The following DNMBP variants were observed in gnomAD, a reference collection of about 807,000 sequenced individuals.
DNMBP encodes dynamin-binding protein.
Under a neutral mutation model 150.0 loss-of-function variants are expected in DNMBP, and 87 were observed. The ratio of observed to expected loss-of-function variants is 0.58; its 90% CI spans 0.49 to 0.69. DNMBP has a LOEUF of 0.69. Among genes scored for constraint, DNMBP ranks in the 30% least tolerant of loss-of-function variants. The pLI is 0.00. For synonymous variants in DNMBP, 711 were observed against 750.4 expected, an observed-to-expected ratio of 0.95 and a Z score of 0.86; for missense variants, 1,774 against 1,949.0, an observed-to-expected ratio of 0.91 and a Z score of 1.69.
At chr10:99,899,762 C>T (rs11190310) in intron 7 of DNMBP, 157 bp downstream of exon 7, 46,043 of 874,284 alleles carry the variant, frequency 0.053, 2,162 homozygotes, top group African/African-American at 0.21. Context: ...AACTTATTCA[C>T]ATGGACAAAA....
chr10:99,906,664 G>A (rs2133241675), intron 6 of DNMBP, among the ~76,000 whole-genome samples: 1 of 152,246 alleles, frequency 6.6e-6, no homozygotes, highest in East Asian at 1.9e-4. Context: ...CCCAGGGAGA[G>A]GCTCACGTGG....
intron 6 of DNMBP, among the ~76,000 whole-genome samples, chr10:99,903,813 A>G (rs1216934684): frequency 1.3e-5 from 2 of 152,166 alleles, no homozygotes; most frequent in East Asian, 1.9e-4. Context: ...TCACTGTTCT[A>G]TATCAATTAC....
chr10:99,985,307 A>C (rs1461839381), intron 1 of DNMBP, among the ~76,000 whole-genome samples: 2 of 152,312 alleles, frequency 1.3e-5, no homozygotes, highest in Non-Finnish European at 1.5e-5. Context: ...CCTTTTATAG[A>C]AACTACAGCC....
At chr10:99,937,050 G>A (rs369380262) in intron 4 of DNMBP, among the ~76,000 whole-genome samples, 11 of 152,048 alleles carry the variant, frequency 7.2e-5, no homozygotes, top group Non-Finnish European at 7.4e-5. Flanking sequence ...ACAGGTGCCC[G>A]CCACCACGCC....
At chr10:99,935,544 G>C (rs943495424) in intron 4 of DNMBP, among the ~76,000 whole-genome samples, 2 of 152,050 alleles carry the variant, frequency 1.3e-5, no homozygotes, top group Non-Finnish European at 2.9e-5. Context: ...TAGCCACCTT[G>C]CCTGAGTAGA....
At chr10:99,925,389 CA>C (rs2040067798) in intron 4 of DNMBP, among the ~76,000 whole-genome samples, 1 of 152,072 alleles carries the variant, frequency 6.6e-6, no homozygotes, top group African/African-American at 2.4e-5. Context: ...GTTTTTCAAA[CA>C]TTTTTTACTG....
At chr10:99,970,971 C>CAAAAAAAAA (rs532226561) in intron 2 of DNMBP, among the ~76,000 whole-genome samples, 936 of 33,194 alleles carry the variant, frequency 0.028, 164 homozygotes, top group Non-Finnish European at 0.04. Context: ...GACTCCGTCT[C>CAAAAAAAAA]AAAAAAAAAA....
At position 99,880,823 on chromosome 10, in the gene DNMBP, C is replaced by A. The variant is rs541713611; in HGVS notation, c.3998-462G>T. ...CCGAGTTAAGAACCAGCCTCGGCAG[C>A]GCACGGGAGCTCACGCCTGTAATCC... is the stretch of plus-strand genomic sequence containing the variant. On this transcript the variant is annotated intron_variant, in intron 15 of 16. Coordinates refer to ENST00000324109, the MANE Select transcript of DNMBP (RefSeq NM_015221.4). Among the ~76,000 whole-genome samples the A allele has an allele frequency of 4.6e-5, 7 of 152,330 alleles. No homozygotes were observed. The East Asian group carries it at 1.4e-3, about 29-fold the overall frequency.
At chr10:99,941,869 C>T (rs1181460322) in intron 4 of DNMBP, among the ~76,000 whole-genome samples, 1 of 152,216 alleles carries the variant, frequency 6.6e-6, no homozygotes, top group African/African-American at 2.4e-5. Flanking sequence ...CCTACTGCTG[C>T]CATCCTGGTC....
At chr10:99,946,079 C>T (rs992110105) in intron 4 of DNMBP, among the ~76,000 whole-genome samples, 1 of 152,182 alleles carries the variant, frequency 6.6e-6, no homozygotes, top group African/African-American at 2.4e-5. Flanking sequence ...GCCTCAGTCT[C>T]CCAAGTAGCT....
chr10:99,877,205 G>A lies in DNMBP; in HGVS notation c.4680C>T (p.Asn1560=), dbSNP rs146248860. The part of the protein sequence containing the change: ...GNTEWWLAEV[N]GKKGYVPSNY... ...TGGAGGGAACGTAGCCCTTCTTCCC[G>A]TTAACCTCAGCTAACCACCACTCTG... Residue 1560 remains asparagine (N), a synonymous_variant, in exon 17 of 17, where the codon AAC becomes AAT. Transcript: ENST00000324109. 14 of 1,613,860 alleles carry A rather than the reference G, an allele frequency of 8.7e-6. No individual in the cohort carries two copies. The African/African-American group carries it at 1.1e-4, about 12-fold the overall frequency.
intron 1 of DNMBP, among the ~76,000 whole-genome samples, chr10:100,000,879 A>AAAC (rs2041001470): frequency 7.3e-6 from 1 of 137,064 alleles, no homozygotes; most frequent in Non-Finnish European, 1.6e-5. Flanking sequence ...AAAAAAAAAA[A>AAAC]AAAAAAAACC....
At chr10:99,997,890 T>G (rs2040965349) in intron 1 of DNMBP, among the ~76,000 whole-genome samples, 1 of 122,110 alleles carries the variant, frequency 8.2e-6, no homozygotes, top group South Asian at 2.7e-4. Flanking sequence ...ATCACGCCAC[T>G]GCACTCTAGC....
chr10:99,892,160 A>C lies in DNMBP; in HGVS notation c.3156+2786T>G, dbSNP rs373499691. Among the ~76,000 whole-genome samples, 2 of 85,670 alleles carry C rather than the reference A, an allele frequency of 2.3e-5. 1 individual carries two copies. Among genetic ancestry groups the C allele is most frequent in the African/African-American group, 1.3e-4 (2 of 14,820 alleles). The allele number at this position is 85,670 out of a possible 152,430, so 56.2% of individuals were successfully genotyped here. On this transcript the variant is annotated intron_variant, in intron 11 of 16. Transcript: ENST00000324109. ...CTCTGCCCGGCCAGCCGCCCCGTCC[A>C]GGAGGGAGGTGGGGGGGTCAGCCCC...
At chr10:99,916,766 C>T (rs1034321378) in intron 4 of DNMBP, among the ~76,000 whole-genome samples, 6 of 151,894 alleles carry the variant, frequency 4.0e-5, no homozygotes, top group African/African-American at 1.5e-4. Context: ...GACAAGGGCA[C>T]AAATATGTTC....
intron 4 of DNMBP, among the ~76,000 whole-genome samples, chr10:99,950,763 G>A (rs1159499985): frequency 6.6e-6 from 1 of 152,200 alleles, no homozygotes; most frequent in African/African-American, 2.4e-5. Flanking sequence ...AGGTGACTTG[G>A]GTGCTGTTAA....
At chr10:99,944,514 G>A (rs1248386410) in intron 4 of DNMBP, among the ~76,000 whole-genome samples, 1 of 152,196 alleles carries the variant, frequency 6.6e-6, no homozygotes, top group Admixed American at 6.5e-5. Flanking sequence ...AAGGTAGTGT[G>A]CTTGAGATCT....
intron 11 of DNMBP, among the ~76,000 whole-genome samples, chr10:99,892,858 C>T (rs1283151145): frequency 1.3e-5 from 2 of 152,160 alleles, no homozygotes; most frequent in African/African-American, 4.8e-5. Context: ...CCATAAAATG[C>T]AAGTTTAAAC....
chr10:100,001,228 C>A (rs2041007352), intron 1 of DNMBP, among the ~76,000 whole-genome samples: 1 of 63,706 alleles, frequency 1.6e-5, no homozygotes, highest in Non-Finnish European at 2.7e-5. Context: ...AAGACTCCGT[C>A]TCATTAAAAA....
Sources: gnomAD v4.1 joint callset for allele counts (sites outside exome capture counted in the v4.1 genomes callset) on GRCh38, gnomAD v4.1.1 for gene constraint, MANE v1.5 for transcripts, NCBI Gene and HGNC (gene_info 2026-07-23, HGNC 2026-07-21) for gene names.